The following BBX variants were observed in gnomAD, a reference collection of about 807,000 sequenced individuals.
The protein encoded by BBX is BBX high mobility group box domain containing.
Under a neutral mutation model 100.2 loss-of-function variants are expected in BBX, and 30 were observed. The ratio of observed to expected loss-of-function variants is 0.30; its 90% CI spans 0.22 to 0.41. The LOEUF (loss-of-function observed/expected upper bound fraction) is 0.41, where lower values mean the gene tolerates loss of function less well. Ranked by LOEUF, BBX falls within the 10% of genes least tolerant of loss-of-function variation. The pLI, the probability that BBX is intolerant of heterozygous loss-of-function variation, is 1.00. For missense variants in BBX, 1,023 were observed against 1,129.8 expected, an observed-to-expected ratio of 0.91 and a Z score of 1.35; for synonymous variants, 376 against 388.1, an observed-to-expected ratio of 0.97 and a Z score of 0.37.
intron 3 of BBX, among the ~76,000 whole-genome samples, chr3:107,657,502 C>A (rs141617220): frequency 1.3e-5 from 2 of 152,224 alleles, no homozygotes; most frequent in Non-Finnish European, 2.9e-5. Context: ...AACTATTAAT[C>A]TACAGAACTT....
chr3:107,637,141 ATACTGTC>A (rs2056896760), intron 2 of BBX, among the ~76,000 whole-genome samples: 2 of 152,218 alleles, frequency 1.3e-5, no homozygotes, highest in African/African-American at 4.8e-5. Flanking sequence ...GAATTCCTCT[ATACTGTC>A]TACACTGACA....
intron 2 of BBX, among the ~76,000 whole-genome samples, chr3:107,565,477 T>TTATTTATG (rs1418026192): frequency 4.1e-5 from 6 of 147,848 alleles, no homozygotes; most frequent in African/African-American, 5.0e-5. Context: ...ATTTATTTAT[T>TTATTTATG]TATGTATGTT....
intron 2 of BBX, among the ~76,000 whole-genome samples, chr3:107,601,052 T>G (rs1247947337): frequency 6.6e-6 from 1 of 152,194 alleles, no homozygotes; most frequent in Non-Finnish European, 1.5e-5. Flanking sequence ...TTCATTATTA[T>G]CATATCTGCT....
intron 2 of BBX, chr3:107,526,633 G>A (rs887027179): frequency 3.0e-6 from 1 of 329,690 alleles, no homozygotes; most frequent in Non-Finnish European, 5.4e-6. Context: ...AGTAATTGTC[G>A]TTTCAAAACT....
intron 10 of BBX, among the ~76,000 whole-genome samples, chr3:107,760,830 A>G (rs2065840340): frequency 6.6e-6 from 1 of 152,184 alleles, no homozygotes; most frequent in Non-Finnish European, 1.5e-5. Flanking sequence ...TATTTTGTTG[A>G]CCTATATCAT....
At position 107,801,299 on chromosome 3, in the gene BBX, G is replaced by C; in HGVS notation, c.2738+18G>C. On this transcript the variant is annotated intron_variant, in intron 17 of 17. Coordinates refer to ENST00000325805, the MANE Select transcript of BBX (RefSeq NM_001142568.3). ...GTGCACAGGTTAGTGGTAGAAGGTG[G>C]AAGGAGAAAGCAACATGGAAACCAG... 6.2e-7 allele frequency: 1 copy of C among 1,608,430 alleles called. No individual in the cohort carries two copies. The highest frequency in any genetic ancestry group is 8.5e-7 in the Non-Finnish European group (1 of 1,176,716).
At chr3:107,560,538 T>C (rs1432826704) in intron 2 of BBX, among the ~76,000 whole-genome samples, 3 of 152,198 alleles carry the variant, frequency 2.0e-5, no homozygotes, top group Admixed American at 1.3e-4. Context: ...GAAAGAGATA[T>C]TGTAAATATT....
chr3:107,714,920 G>A (rs2061995876), intron 4 of BBX, among the ~76,000 whole-genome samples: 2 of 151,948 alleles, frequency 1.3e-5, no homozygotes, highest in Admixed American at 1.3e-4. Flanking sequence ...CAAGTAGCTG[G>A]GACTACAGGC....
intron 10 of BBX, among the ~76,000 whole-genome samples, chr3:107,764,969 A>T (rs941244428): frequency 6.6e-6 from 1 of 152,222 alleles, no homozygotes; most frequent in Non-Finnish European, 1.5e-5. Flanking sequence ...CCAAAGTAGA[A>T]CTGAGCTTTC....
At chr3:107,680,883 A>T (rs1341022140) in intron 3 of BBX, among the ~76,000 whole-genome samples, 2 of 152,178 alleles carry the variant, frequency 1.3e-5, no homozygotes, top group African/African-American at 2.4e-5. Flanking sequence ...TTTAGAAATG[A>T]CTCATCAGCT....
chr3:107,543,188 C>T (rs2048985572), intron 2 of BBX, among the ~76,000 whole-genome samples: 2 of 152,096 alleles, frequency 1.3e-5, no homozygotes, highest in African/African-American at 2.4e-5. Context: ...AGGGATTCTA[C>T]AGATGATCTT....
intron 3 of BBX, among the ~76,000 whole-genome samples, chr3:107,651,843 TG>T (rs1355792083): frequency 6.6e-6 from 1 of 152,168 alleles, no homozygotes; most frequent in African/African-American, 2.4e-5. Flanking sequence ...TTTCTCAACC[TG>T]CCTTATTTTG....
chr3:107,646,630 C>T (rs912554448), intron 3 of BBX, among the ~76,000 whole-genome samples: 3 of 152,004 alleles, frequency 2.0e-5, no homozygotes, highest in Admixed American at 1.3e-4. Context: ...TGTGGGATTG[C>T]TTTACTGGTA....
At chr3:107,674,550 G>A (rs1474574014) in intron 3 of BBX, among the ~76,000 whole-genome samples, 4 of 152,180 alleles carry the variant, frequency 2.6e-5, no homozygotes, top group African/African-American at 7.2e-5. Flanking sequence ...ACATTGAGGC[G>A]TGCGATGCGT....
intron 2 of BBX, among the ~76,000 whole-genome samples, chr3:107,544,041 T>C (rs144192944): frequency 2.0e-5 from 3 of 152,334 alleles, no homozygotes; most frequent in Non-Finnish European, 2.9e-5. Context: ...TTTTTAAGGT[T>C]AGTATATTTG....
intron 2 of BBX, among the ~76,000 whole-genome samples, chr3:107,578,767 G>C (rs1026893580): frequency 1.7e-4 from 26 of 152,084 alleles, no homozygotes; most frequent in Non-Finnish European, 3.1e-4. Flanking sequence ...GGTTCACAGG[G>C]AGCAGATGAG....
chr3:107,778,621 G>C (rs1403291601), intron 13 of BBX, 102 bp downstream of exon 13: 5 of 1,288,868 alleles, frequency 3.9e-6, no homozygotes, highest in Non-Finnish European at 4.3e-6. Flanking sequence ...ATTTGGAATT[G>C]AGGCAGTAGG....
At chr3:107,702,156 T>C (rs1373199219) in intron 3 of BBX, among the ~76,000 whole-genome samples, 2 of 151,940 alleles carry the variant, frequency 1.3e-5, no homozygotes, top group Non-Finnish European at 2.9e-5. Flanking sequence ...AGAAGAAAAA[T>C]GGTTGGAGAA....
At position 107,591,541 on chromosome 3, in the gene BBX, G is replaced by A. The variant is rs140716112; in HGVS notation, c.-83-54295G>A. ...CTCACTCTGTGACCCACACTGGAGT[G>A]CGGTAACGCTATCAGGGCTCACTGC... On this transcript the variant is annotated intron_variant, in intron 2 of 17. Coordinates refer to ENST00000325805, the MANE Select transcript of BBX (RefSeq NM_001142568.3). Among the ~76,000 whole-genome samples, 989 of 152,302 alleles carry A rather than the reference G, an allele frequency of 6.5e-3. 14 individuals carry two copies. The highest frequency in any genetic ancestry group is 0.022 in the African/African-American group (911 of 41,572).
Sources: gnomAD v4.1 joint callset for allele counts (sites outside exome capture counted in the v4.1 genomes callset) on GRCh38, gnomAD v4.1.1 for gene constraint, MANE v1.5 for transcripts, NCBI Gene and HGNC (gene_info 2026-07-23, HGNC 2026-07-21) for gene names.